WEE1: variants seen among roughly 807,000 people sequenced by gnomAD.
The protein encoded by WEE1 is wee1-like protein kinase.
Under a neutral mutation model 68.8 loss-of-function variants are expected in WEE1, and 16 were observed. The ratio of observed to expected loss-of-function variants is 0.23; its 90% CI spans 0.16 to 0.35. The LOEUF (loss-of-function observed/expected upper bound fraction) is 0.35, where lower values mean the gene tolerates loss of function less well. WEE1 is among the 10% of genes least tolerant of loss of function. The pLI is 1.00. For synonymous variants in WEE1, 349 were observed against 318.7 expected, an observed-to-expected ratio of 1.09 and a Z score of -1.01; for missense variants, 651 against 824.1, an observed-to-expected ratio of 0.79 and a Z score of 2.57.
Position 9,588,720 on chromosome 11 carries a change from G to T in WEE1, c.*118G>T. On this transcript the variant is annotated 3_prime_UTR_variant, in exon 11 of 11. Transcript: ENST00000450114. Reference sequence around the variant, plus strand: ...TTGGTGTCAGTAGTTTTACTGATTAGGACTTTTATTGTGAATTACAGTTGA... The same window carrying T: ...TTGGTGTCAGTAGTTTTACTGATTATGACTTTTATTGTGAATTACAGTTGA... 1.5e-6 allele frequency: 2 copies of T among 1,375,244 alleles called. No individual in the cohort carries two copies. The highest frequency in any genetic ancestry group is 1.9e-5 in the South Asian group (1 of 53,500). The allele number at this position is 1,375,244 out of a possible 1,614,324, so 85.2% of individuals were successfully genotyped here.
chr11:9,574,079 C>A lies in WEE1; in HGVS notation c.146C>A (p.Thr49Asn). The A allele has an allele frequency of 8.1e-7, 1 of 1,238,228 alleles. No individual in the cohort carries two copies. The highest frequency in any genetic ancestry group is 1.0e-6 in the Non-Finnish European group (1 of 989,906). 76.7% of individuals were successfully genotyped at this position (1,238,228 alleles called of 1,614,324 possible). A position where few individuals can be genotyped will look rare whatever the true frequency, so the allele number is the denominator to read the frequency against. ...GAGGAGGAGGGCAGCGGCCACAGCA[C>A]CGGGGAGGACTCGGCCTTTCAAGAG... Reference protein sequence around the residue: ...EEEEEGSGHSTGEDSAFQEPD... With the variant: ...EEEEEGSGHSNGEDSAFQEPD... The change falls in exon 1 of 11, where the codon ACC becomes AAC. Residue 49 changes from threonine (T) to asparagine (N), a missense_variant. By Grantham distance (65) the Thr-to-Asn change is moderately conservative (BLOSUM62 0). Coordinates refer to ENST00000450114, the MANE Select transcript of WEE1 (RefSeq NM_003390.4). This position sits in a 1 kb window ranked among gnomAD's most constrained non-coding sequence, Gnocchi z 4.9.
chr11:9,583,959 C>T (rs1355672436), intron 6 of WEE1, among the ~76,000 whole-genome samples: 1 of 150,730 alleles, frequency 6.6e-6, no homozygotes, highest in Non-Finnish European at 1.5e-5. Context: ...GATTCTCCTG[C>T]CTCAGCCTCC....
At chr11:9,577,073 G>C in intron 4 of WEE1, 69 bp from the exon 5 acceptor site, 2 of 1,497,744 alleles carry the variant, frequency 1.3e-6, no homozygotes, top group Non-Finnish European at 1.8e-6. Context: ...TGAAGTTTCA[G>C]ATAAATTAAT....
In WEE1 at chr11:9,574,791, C is replaced by G. The variant is rs1021826040; in HGVS notation, c.576+282C>G. 5.0e-6 allele frequency: 5 copies of G among 1,007,098 alleles called. No homozygotes were observed. The South Asian group carries it at 1.9e-4, about 37-fold the overall frequency. 62.4% of individuals were successfully genotyped at this position (1,007,098 alleles called of 1,614,324 possible). A position where few individuals can be genotyped will look rare whatever the true frequency, so the allele number is the denominator to read the frequency against. ...GCCGCCCGTTGAGTCCGGGCCGCCC[C>G]GAGCGTGTCAGCCCCGAGTGCGGCA... On this transcript the variant is annotated intron_variant, in intron 1 of 10. Coordinates refer to ENST00000450114, the MANE Select transcript of WEE1 (RefSeq NM_003390.4). The surrounding 1 kb of genome is among the most constrained non-coding windows in gnomAD (Gnocchi z 4.9).
intron 10 of WEE1, among the ~76,000 whole-genome samples, chr11:9,588,099 C>T (rs551274257): frequency 6.6e-6 from 1 of 152,206 alleles, no homozygotes; most frequent in East Asian, 1.9e-4. Flanking sequence ...ACTGCAGCCT[C>T]AAACTCCTGG....
At chr11:9,579,915 T>G (rs1038370749) in intron 5 of WEE1, 31 of 152,218 alleles carry the variant, frequency 2.0e-4, no homozygotes, top group Admixed American at 6.5e-5. Flanking sequence ...CTTCCTAATT[T>G]TAGTACCCAG....
At chr11:9,584,485 C>T (rs1849678980) in intron 6 of WEE1, among the ~76,000 whole-genome samples, 1 of 152,030 alleles carries the variant, frequency 6.6e-6, no homozygotes, top group African/African-American at 2.4e-5. Context: ...GAATCTGCCA[C>T]TAAAAGCTCA....
At position 9,589,425 on chromosome 11, in the gene WEE1, C is replaced by A. The variant is rs1849738383; in HGVS notation, c.*823C>A. The A allele has an allele frequency of 1.0e-6, 1 of 984,898 alleles. No individual in the cohort carries two copies. Among genetic ancestry groups the A allele is most frequent in the South Asian group, 4.7e-5 (1 of 21,268 alleles). 61.0% of individuals were successfully genotyped at this position (984,898 alleles called of 1,614,324 possible). On this transcript the variant is annotated 3_prime_UTR_variant, in exon 11 of 11. Transcript: ENST00000450114. Reference sequence around the variant, plus strand: ...CTTCCCGGACTCTTTTTAAATGTCTCCCCCTAAGTTTTATACTTGATTGTA... The same window carrying A: ...CTTCCCGGACTCTTTTTAAATGTCTACCCCTAAGTTTTATACTTGATTGTA...
chr11:9,578,879 T>TTGTTTTTATTTA (rs1554975016), intron 5 of WEE1: 2 of 142,244 alleles, frequency 1.4e-5, no homozygotes, highest in Admixed American at 7.1e-5. Context: ...GAAAATAAGT[T>TTGTTTTTATTTA]TTTATTTATT....
chr11:9,583,803 A>T, intron 6 of WEE1, among the ~76,000 whole-genome samples: 1 of 9,404 alleles, frequency 1.1e-4, no homozygotes, highest in East Asian at 1.7e-3. Context: ...ACACACACAC[A>T]TATATATATA....
At position 9,574,992 on chromosome 11, in the gene WEE1, G is replaced by A. The variant is rs1252949559; in HGVS notation, c.576+483G>A. The A allele has an allele frequency of 2.0e-6, 2 of 985,782 alleles. No homozygotes were observed. Among genetic ancestry groups the A allele is most frequent in the Non-Finnish European group, 2.4e-6 (2 of 830,304 alleles). The allele number at this position is 985,782 out of a possible 1,614,324, so 61.1% of individuals were successfully genotyped here. A position where few individuals can be genotyped will look rare whatever the true frequency, so the allele number is the denominator to read the frequency against. On this transcript the variant is annotated intron_variant, in intron 1 of 10. Transcript: ENST00000450114. This position sits in a 1 kb window ranked among gnomAD's most constrained non-coding sequence, Gnocchi z 4.9. ...TGATCGTGTCGTGTCGTGTGGCGTGGATGGGGGAAAGGTCTGGGGCATGCA... is the reference window on the plus strand; with the variant it reads ...TGATCGTGTCGTGTCGTGTGGCGTGAATGGGGGAAAGGTCTGGGGCATGCA...
chr11:9,575,427 G>A (rs1410860459), intron 1 of WEE1: 6 of 997,954 alleles, frequency 6.0e-6, no homozygotes, highest in Non-Finnish European at 6.0e-6. Context: ...TAGGCAATCT[G>A]TGTGCTTTCG....
chr11:9,574,607 C>T lies in WEE1; in HGVS notation c.576+98C>T. On this transcript the variant is annotated intron_variant, in intron 1 of 10. Transcript: ENST00000450114. The surrounding 1 kb of genome is among the most constrained non-coding windows in gnomAD (Gnocchi z 4.9). Reference sequence around the variant, plus strand: ...TCGGTTACAGAAGCGGCCGGCCGCTCCCCCCTCGCTTTCCTGCGCCGCCCC... The same window carrying T: ...TCGGTTACAGAAGCGGCCGGCCGCTTCCCCCTCGCTTTCCTGCGCCGCCCC... The T allele has an allele frequency of 8.0e-6, 9 of 1,118,812 alleles. No homozygotes were observed. The highest frequency in any genetic ancestry group is 9.8e-6 in the Non-Finnish European group (9 of 915,948). 69.3% of individuals were successfully genotyped at this position (1,118,812 alleles called of 1,614,324 possible).
chr11:9,586,095 G>T (rs78406608), intron 8 of WEE1, among the ~76,000 whole-genome samples: 1 of 152,098 alleles, frequency 6.6e-6, no homozygotes, highest in African/African-American at 2.4e-5. Flanking sequence ...GCTTTATCAC[G>T]TATATGTGTA....
In WEE1 at chr11:9,576,814, T is replaced by C. The variant is rs1849569259; in HGVS notation, c.1019+155T>C. Among the ~76,000 whole-genome samples the C allele has an allele frequency of 6.6e-6, 1 of 152,224 alleles. No homozygotes were observed. The highest frequency in any genetic ancestry group is 1.5e-5 in the Non-Finnish European group (1 of 68,028). The stretch of plus-strand genomic sequence containing the variant: ...TTTCACTTAATACCATCAGTTCTTA[T>C]TGGACTTGTTGAATAATATGAGTCT... On this transcript the variant is annotated intron_variant, in intron 4 of 10. Transcript: ENST00000450114. The surrounding 1 kb of genome is among the most constrained non-coding windows in gnomAD (Gnocchi z 4.3).
Position 9,583,585 on chromosome 11 carries a change from A to G in WEE1, c.1289-1673A>G, listed in dbSNP as rs187649759. 4.1e-3 allele frequency among the ~76,000 whole-genome samples: 586 copies of G among 142,022 alleles called. 1 individual carries two copies. Among genetic ancestry groups the G allele is most frequent in the African/African-American group, 0.014 (551 of 38,102 alleles). The allele number at this position is 142,022 out of a possible 152,430, so 93.2% of individuals were successfully genotyped here. ...AGCTGAGATCGCACCACTGCACTCC[A>G]GCCTGGGCGACAGAGCGAGACTGTC... On this transcript the variant is annotated intron_variant, in intron 6 of 10. Coordinates refer to ENST00000450114, the MANE Select transcript of WEE1 (RefSeq NM_003390.4).
Position 9,574,044 on chromosome 11 carries a change from A to G in WEE1, c.111A>G (p.Glu37=), listed in dbSNP as rs1207503000. The stretch of plus-strand genomic sequence containing the variant: ...CCTGCAGCGACTGTGAGGAGGAGGA[A>G]GAAGAGGAGGAGGAGGAGGGCAGCG... ...FSPCSDCEEE[E]EEEEEEGSGH... is the part of the protein sequence containing the mutation. Residue 37 remains glutamate, a synonymous_variant, in exon 1 of 11, where the codon GAA becomes GAG. Coordinates refer to ENST00000450114, the MANE Select transcript of WEE1 (RefSeq NM_003390.4). The surrounding 1 kb of genome is among the most constrained non-coding windows in gnomAD (Gnocchi z 4.9). 12 of 1,259,012 alleles carry G rather than the reference A, an allele frequency of 9.5e-6. No homozygotes were observed. Among genetic ancestry groups the G allele is most frequent in the South Asian group, 2.8e-5 (1 of 35,636 alleles). The allele number at this position is 1,259,012 out of a possible 1,614,324, so 78.0% of individuals were successfully genotyped here.
rs1849726076 is a variant in WEE1 at position 9,588,429 on chromosome 11, G to T, written c.1788-20G>T. 1.3e-6 allele frequency: 2 copies of T among 1,538,692 alleles called. No homozygotes were observed. The highest frequency in any genetic ancestry group is 1.7e-6 in the Non-Finnish European group (2 of 1,146,118). ...AATCTCTTCCTAGGAATAATACCTT[G>T]TTTTCTATTTTTATGTCAGAGAACT... is the stretch of plus-strand genomic sequence containing the variant. On this transcript the variant is annotated intron_variant, in intron 10 of 10. Coordinates refer to ENST00000450114, the MANE Select transcript of WEE1 (RefSeq NM_003390.4).
chr11:9,573,979 G>T lies in WEE1; in HGVS notation c.46G>T (p.Gly16Trp). 2 of 1,293,320 alleles carry T rather than the reference G, an allele frequency of 1.5e-6. No individual in the cohort carries two copies. Among genetic ancestry groups the T allele is most frequent in the Non-Finnish European group, 9.8e-7 (1 of 1,020,274 alleles). 80.1% of individuals were successfully genotyped at this position (1,293,320 alleles called of 1,614,324 possible). A position where few individuals can be genotyped will look rare whatever the true frequency, so the allele number is the denominator to read the frequency against. The change falls in exon 1 of 11, where the codon GGG becomes TGG. Residue 16 changes from glycine to tryptophan, a missense_variant. By Grantham distance (184) the Gly-to-Trp change is radical (BLOSUM62 -2). Coordinates refer to ENST00000450114, the MANE Select transcript of WEE1 (RefSeq NM_003390.4). Reference sequence around the variant, plus strand: ...GCAGCCGCCGCCACCCCGCCGCGCCGGGGCGGCCTGCACCTTGCGGCAGAA... The same window carrying T: ...GCAGCCGCCGCCACCCCGCCGCGCCTGGGCGGCCTGCACCTTGCGGCAGAA... Reference protein sequence around the residue: ...RQQPPPPRRAGAACTLRQKLI... With the variant: ...RQQPPPPRRAWAACTLRQKLI...
Sources: allele counts gnomAD v4.1 joint callset (sites outside exome capture counted in the v4.1 genomes callset), GRCh38; gene constraint gnomAD v4.1.1; non-coding constraint Gnocchi (gnomAD v3.1); transcripts MANE v1.5; gene names NCBI Gene and HGNC (gene_info 2026-07-23, HGNC 2026-07-21).